SYBU: variants seen among roughly 807,000 people sequenced by gnomAD.
The protein encoded by SYBU is syntabulin.
SYBU carries 21 observed loss-of-function variants against 35.9 expected under a neutral mutation model. The observed-to-expected ratio is 0.58, with a 90% confidence interval of 0.41 to 0.84. The LOEUF (loss-of-function observed/expected upper bound fraction) is 0.84, where lower values mean the gene tolerates loss of function less well. Ranked by LOEUF, SYBU falls within the 40% of genes least tolerant of loss-of-function variation. The pLI is 0.00. For synonymous variants in SYBU, 319 were observed against 324.3 expected, an observed-to-expected ratio of 0.98 and a Z score of 0.18; for missense variants, 768 against 848.2, an observed-to-expected ratio of 0.91 and a Z score of 1.17.
rs1774232353 is a variant in SYBU at position 109,643,146 on chromosome 8, G to GGC, written c.25-216_25-215dup. On this transcript the variant is annotated intron_variant, in intron 1 of 6. Coordinates refer to ENST00000276646, the MANE Select transcript of SYBU (RefSeq NM_001099754.2). ...TCTACTGAATAGCACATGTCTGTGT[G>GGC]GCACACACACACACACACACACACA... The GGC allele has an allele frequency of 5.6e-6, 7 of 1,245,310 alleles. No individual in the cohort carries two copies. The South Asian group carries it at 1.4e-4, about 25-fold the overall frequency. 77.1% of individuals were successfully genotyped at this position (1,245,310 alleles called of 1,614,324 possible).
At chr8:109,630,437 A>C (rs1563742974) in intron 2 of SYBU, among the ~76,000 whole-genome samples, 1 of 152,114 alleles carries the variant, frequency 6.6e-6, no homozygotes, top group African/African-American at 2.4e-5. Context: ...AAAAAAAAAA[A>C]GAATGAAAGG....
chr8:109,673,078 T>C (rs538102412), intron 1 of SYBU, among the ~76,000 whole-genome samples: 1 of 152,274 alleles, frequency 6.6e-6, no homozygotes, highest in Admixed American at 6.5e-5. Flanking sequence ...ACAGAGCACC[T>C]GGGGGAAGGG....
At chr8:109,596,858 C>T (rs532938873) in intron 3 of SYBU, among the ~76,000 whole-genome samples, 161 of 152,138 alleles carry the variant, frequency 1.1e-3, no homozygotes, top group Non-Finnish European at 1.9e-3. Context: ...AAGAGGAAAT[C>T]TACTCTTAAT....
At chr8:109,676,823 T>C (rs1292642844) in intron 1 of SYBU, among the ~76,000 whole-genome samples, 1 of 152,228 alleles carries the variant, frequency 6.6e-6, no homozygotes, top group Non-Finnish European at 1.5e-5. Context: ...GCTATGGACA[T>C]GGCACCCAAG....
chr8:109,611,682 C>G (rs1282416039), intron 3 of SYBU, among the ~76,000 whole-genome samples: 2 of 152,160 alleles, frequency 1.3e-5, no homozygotes, highest in African/African-American at 4.8e-5. Flanking sequence ...TCATGATATG[C>G]AGGGTAGCAC....
At chr8:109,613,094 C>A (rs1315255977) in intron 3 of SYBU, among the ~76,000 whole-genome samples, 1 of 151,968 alleles carries the variant, frequency 6.6e-6, no homozygotes, top group Admixed American at 6.6e-5. Context: ...ATTTTCCCAT[C>A]TCTGTTCATT....
intron 1 of SYBU, 172 bp from the exon 2 acceptor site, chr8:109,643,104 T>A: frequency 2.2e-6 from 3 of 1,360,800 alleles, no homozygotes; most frequent in South Asian, 3.9e-5. Flanking sequence ...ACTCTTCCAA[T>A]GAGTTAACCT....
At chr8:109,682,774 C>G (rs772413372), upstream of SYBU, among the ~76,000 whole-genome samples, 1 of 152,210 alleles carries the variant, frequency 6.6e-6, no homozygotes, top group African/African-American at 2.4e-5. Context: ...CCATCACAGA[C>G]CCAGAGGCCT....
At chr8:109,592,379 G>A (rs1008659953) in intron 3 of SYBU, among the ~76,000 whole-genome samples, 1 of 152,102 alleles carries the variant, frequency 6.6e-6, no homozygotes, top group Non-Finnish European at 1.5e-5. Flanking sequence ...CCCCATGGAC[G>A]CCTCCAAAAA....
chr8:109,575,920 T>G lies in SYBU; in HGVS notation c.978A>C (p.Ala326=), dbSNP rs1311781005. ...EECHRVEAQL[A]LKEARKEIKQ... Reference sequence around the variant, plus strand: ...TAATCTCTTTCCTGGCTTCTTTGAGTGCCAACTGGGCCTCTACCCGGTGAC... The same window carrying G: ...TAATCTCTTTCCTGGCTTCTTTGAGGGCCAACTGGGCCTCTACCCGGTGAC... Residue 326 remains alanine, a synonymous_variant, in exon 7 of 7, where the codon GCA becomes GCC. Transcript: ENST00000276646. 6.2e-7 allele frequency: 1 copy of G among 1,613,848 alleles called. No individual in the cohort carries two copies.
At chr8:109,627,529 T>C (rs1166134559) in intron 2 of SYBU, among the ~76,000 whole-genome samples, 1 of 152,210 alleles carries the variant, frequency 6.6e-6, no homozygotes, top group African/African-American at 2.4e-5. Context: ...AATATGTTAC[T>C]GTTGGGAAAA....
chr8:109,655,663 A>G lies in SYBU; in HGVS notation c.-129+25048T>C, dbSNP rs918089292. On this transcript the variant is annotated intron_variant, in intron 1 of 5. Transcript: ENST00000408889. Reference sequence around the variant, plus strand: ...ATAGTTTTTCCTCCTGCTTTCTTCTACCACTTATTGGATTTTTAGTATTAA... The same window carrying G: ...ATAGTTTTTCCTCCTGCTTTCTTCTGCCACTTATTGGATTTTTAGTATTAA... Among the ~76,000 whole-genome samples, 3 of 152,196 alleles carry G rather than the reference A, an allele frequency of 2.0e-5. No individual in the cohort carries two copies. The East Asian group carries it at 5.8e-4, about 29-fold the overall frequency.
chr8:109,576,583 A>G (rs1822346369), intron 6 of SYBU, among the ~76,000 whole-genome samples: 1 of 152,176 alleles, frequency 6.6e-6, no homozygotes, highest in African/African-American at 2.4e-5. Context: ...TGGTATTCCA[A>G]TGATAAACAT....
chr8:109,616,352 T>G (rs1339335400), intron 3 of SYBU, among the ~76,000 whole-genome samples: 1 of 151,908 alleles, frequency 6.6e-6, no homozygotes, highest in African/African-American at 2.4e-5. Context: ...GCCATAATAC[T>G]TCTCATCAAG....
chr8:109,628,338 A>T (rs1319152675), intron 2 of SYBU, among the ~76,000 whole-genome samples: 1 of 148,136 alleles, frequency 6.8e-6, no homozygotes, highest in Non-Finnish European at 1.5e-5. Context: ...GGGAAACCAC[A>T]TCTCTTTTTT....
intron 3 of SYBU, chr8:109,603,487 G>A (rs1270082041): frequency 3.6e-5 from 28 of 784,072 alleles, no homozygotes; most frequent in Non-Finnish European, 4.0e-5. Flanking sequence ...CCCTTTGCTT[G>A]CCCAGCTACT....
At chr8:109,680,199 C>T (rs976983675) in intron 1 of SYBU, 1 of 152,166 alleles carries the variant, frequency 6.6e-6, no homozygotes, top group African/African-American at 2.4e-5. Flanking sequence ...CATTCTAGAG[C>T]AAAGCCTGCA....
chr8:109,688,191 T>G (rs934226593), intron 1 of SYBU, among the ~76,000 whole-genome samples: 1 of 152,230 alleles, frequency 6.6e-6, no homozygotes, highest in East Asian at 1.9e-4. Flanking sequence ...AAACATTATT[T>G]CATAGGTGGG....
At chr8:109,641,367 C>T (rs75629782) in intron 2 of SYBU, among the ~76,000 whole-genome samples, 4,087 of 152,306 alleles carry the variant, frequency 0.027, 138 homozygotes, top group African/African-American at 0.083. Flanking sequence ...TTCTGTAAGC[C>T]AGGTACCGTG....
Sources: allele counts gnomAD v4.1 joint callset (sites outside exome capture counted in the v4.1 genomes callset), GRCh38; gene constraint gnomAD v4.1.1; transcripts MANE v1.5; gene names NCBI Gene and HGNC (gene_info 2026-07-23, HGNC 2026-07-21).